DNAJC6: variants seen among roughly 807,000 people sequenced by gnomAD.
The protein encoded by DNAJC6 is auxilin.
DNAJC6 carries 34 observed loss-of-function variants against 110.0 expected under a neutral mutation model. The ratio of observed to expected loss-of-function variants is 0.31; its 90% confidence interval spans 0.24 to 0.41. The LOEUF (loss-of-function observed/expected upper bound fraction) is 0.41. Ranked by LOEUF, DNAJC6 falls within the 10% of genes least tolerant of loss-of-function variation. The pLI is 1.00. For synonymous variants in DNAJC6, 406 were observed against 437.2 expected (o/e 0.93, Z 0.89); for missense variants, 1,031 against 1,207.8 (o/e 0.85, Z 2.17).
At chr1:65,321,432 G>A (rs1213066268) in intron 1 of DNAJC6, among the ~76,000 whole-genome samples, 4 of 106,876 alleles carry the variant, frequency 3.7e-5, no homozygotes. Context: ...GAGACCTCAA[G>A]GAATCCTCCT....
Position 65,387,253 on chromosome 1 carries a change from A to G in DNAJC6, c.1113+324A>G, listed in dbSNP as rs74965398. The stretch of plus-strand genomic sequence containing the variant: ...GATCAGTGTAAGGGAAGAGATTTCT[A>G]CTGAGGATGTGGAATTAAGGGATTG... On this transcript the variant is annotated intron_variant, in intron 8 of 18. Transcript: ENST00000371069. 0.011 allele frequency among the ~76,000 whole-genome samples: 1,629 copies of G among 152,302 alleles called. 22 individuals are homozygous for G. Among genetic ancestry groups the G allele is most frequent in the African/African-American group, 0.038 (1,573 of 41,562 alleles).
upstream of DNAJC6, among the ~76,000 whole-genome samples, chr1:65,306,224 T>A (rs1645036379): frequency 6.6e-6 from 1 of 151,976 alleles, no homozygotes; most frequent in Non-Finnish European, 1.5e-5. Flanking sequence ...TTTTTTTGGA[T>A]TTTTAGTAGA....
intron 1 of DNAJC6, among the ~76,000 whole-genome samples, chr1:65,286,938 GT>G (rs1359780407): frequency 6.6e-6 from 1 of 152,086 alleles, no homozygotes. Flanking sequence ...TCCCATATAG[GT>G]TTCTTTGATC....
intron 13 of DNAJC6, among the ~76,000 whole-genome samples, chr1:65,397,022 T>G (rs755487554): frequency 8.5e-5 from 13 of 152,196 alleles, no homozygotes; most frequent in Non-Finnish European, 1.9e-4. Flanking sequence ...CTTGGCAGTT[T>G]TGGATCCAGT....
chr1:65,292,908 C>T (rs1482685307), intron 1 of DNAJC6, among the ~76,000 whole-genome samples: 1 of 152,182 alleles, frequency 6.6e-6, no homozygotes, highest in Admixed American at 6.5e-5. Flanking sequence ...CATTGGGGCT[C>T]ACTCAAACGT....
chr1:65,370,741 T>C (rs1185731933), intron 4 of DNAJC6, among the ~76,000 whole-genome samples: 1 of 152,232 alleles, frequency 6.6e-6, no homozygotes, highest in Non-Finnish European at 1.5e-5. Flanking sequence ...CATAATCTTC[T>C]AGGATTTCTT....
At chr1:65,325,884 G>A (rs1645237531) in intron 1 of DNAJC6, among the ~76,000 whole-genome samples, 1 of 152,184 alleles carries the variant, frequency 6.6e-6, no homozygotes, top group African/African-American at 2.4e-5. Context: ...AATACTGTAG[G>A]CAATTATAAC....
At chr1:65,311,061 A>G (rs1421832268) in intron 1 of DNAJC6, among the ~76,000 whole-genome samples, 1 of 152,122 alleles carries the variant, frequency 6.6e-6, no homozygotes, top group East Asian at 1.9e-4. Flanking sequence ...GTGGGATGAA[A>G]TATTGTCCAC....
At position 65,383,039 on chromosome 1, in the gene DNAJC6, G is replaced by A. The variant is rs147605275; in HGVS notation, c.667-1154G>A. ...TTTTTGTTCTCACAAAAGGATGAGGGTCATTTAGTGGAAGCTATGGAGGAA... is the reference window on the plus strand; with the variant it reads ...TTTTTGTTCTCACAAAAGGATGAGGATCATTTAGTGGAAGCTATGGAGGAA... On this transcript the variant is annotated intron_variant, in intron 5 of 18. Coordinates refer to ENST00000371069, the MANE Select transcript of DNAJC6 (RefSeq NM_001256864.2). Among the ~76,000 whole-genome samples the A allele has an allele frequency of 4.5e-3, 689 of 152,294 alleles. 1 individual carries two copies. The highest frequency in any genetic ancestry group is 0.027 in the Middle Eastern group (8 of 294).
At position 65,292,243 on chromosome 1, in the gene DNAJC6, C is replaced by G. The variant is rs557654724; in HGVS notation, c.-131+27311C>G. 6.6e-5 allele frequency among the ~76,000 whole-genome samples: 10 copies of G among 151,572 alleles called. No homozygotes were observed. In the South Asian group the frequency reaches 1.9e-3, roughly 28 times the overall value. ...ATGTTGGCCAGGCTGGTCTTGAACT[C>G]TTGACCTCAGATGATCTACCCACCT... On this transcript the variant is annotated intron_variant, in intron 1 of 19. Coordinates refer to the DNAJC6 transcript ENST00000263441.
At chr1:65,387,795 C>G (rs1645886643) in intron 8 of DNAJC6, among the ~76,000 whole-genome samples, 1 of 152,182 alleles carries the variant, frequency 6.6e-6, no homozygotes, top group African/African-American at 2.4e-5. Context: ...CACATATTGG[C>G]TAAGTGAGTG....
intron 1 of DNAJC6, among the ~76,000 whole-genome samples, chr1:65,292,642 C>T (rs1644890634): frequency 6.6e-6 from 1 of 151,816 alleles, no homozygotes; most frequent in Non-Finnish European, 1.5e-5. Flanking sequence ...ATCATGTTGC[C>T]TAGGCTGGTC....
chr1:65,301,324 T>TC (rs34122184), intron 1 of DNAJC6, among the ~76,000 whole-genome samples: 10,445 of 151,294 alleles, frequency 0.069, 387 homozygotes, highest in Non-Finnish European at 0.08. Flanking sequence ...AATGGGCACT[T>TC]CCCCCCCCAC....
At chr1:65,333,340 A>G (rs1406072990) in intron 1 of DNAJC6, among the ~76,000 whole-genome samples, 4 of 152,140 alleles carry the variant, frequency 2.6e-5, no homozygotes, top group Admixed American at 6.5e-5. Context: ...GAGGAGTTTT[A>G]TCTTCTGATT....
intron 1 of DNAJC6, among the ~76,000 whole-genome samples, chr1:65,350,940 A>G (rs1175422924): frequency 2.0e-5 from 3 of 152,130 alleles, no homozygotes; most frequent in South Asian, 2.1e-4. Context: ...CTTACTCTCT[A>G]TATTTACAGC....
intron 4 of DNAJC6, among the ~76,000 whole-genome samples, chr1:65,368,725 C>CTTCTTCTTCTCCTTA (rs1421059015): frequency 4.3e-5 from 2 of 46,144 alleles, no homozygotes; most frequent in African/African-American, 3.7e-4. Flanking sequence ...TCCTCTTCTT[C>CTTCTTCTTCTCCTTA]TTCTTCTTCT....
rs1557507783 is a variant in DNAJC6, at chr1:65,302,090, TTATATATATAA to T, written c.-131+37165_-131+37175del. 1.7e-3 allele frequency among the ~76,000 whole-genome samples: 92 copies of T among 54,730 alleles called. 2 individuals are homozygous for T. The East Asian group carries it at 0.053, about 32-fold the overall frequency. 35.9% of individuals were successfully genotyped at this position (54,730 alleles called of 152,430 possible). A position where few individuals can be genotyped will look rare whatever the true frequency, so the allele number is the denominator to read the frequency against. The stretch of plus-strand genomic sequence containing the variant: ...TTATATATAATACGTATTATATATA[TTATATATATAA>T]TATATAATATATATATATATATAAA... On this transcript the variant is annotated intron_variant, in intron 1 of 19. Transcript: ENST00000263441.
chr1:65,382,841 G>A (rs1645836249), intron 5 of DNAJC6, among the ~76,000 whole-genome samples: 1 of 152,158 alleles, frequency 6.6e-6, no homozygotes, highest in Non-Finnish European at 1.5e-5. Flanking sequence ...TTTAAAACTT[G>A]AATTTGTTTA....
rs1481419016 is a variant in DNAJC6 at position 65,413,002 on chromosome 1, C to G, written c.2890C>G (p.Gln964Glu). 1.9e-6 allele frequency: 3 copies of G among 1,613,964 alleles called. No homozygotes were observed. Among genetic ancestry groups the G allele is most frequent in the Non-Finnish European group, 2.5e-6 (3 of 1,179,968 alleles). ...LNDAWSEFEN[Q>E]GQKPLY ...TGATGCCTGGTCTGAATTTGAAAAC[C>G]AAGGCCAAAAGCCCTTATATTAATT... is the stretch of plus-strand genomic sequence containing the variant. The change falls in exon 19 of 19, where the codon CAA becomes GAA. Residue 964 changes from glutamine to glutamate, a missense_variant. Physicochemically the swap from Gln to Glu is conservative, Grantham distance 29. Transcript: ENST00000371069.
Sources: gnomAD v4.1 joint callset for allele counts (sites outside exome capture counted in the v4.1 genomes callset) on GRCh38, gnomAD v4.1.1 for gene constraint, MANE v1.5 for transcripts, NCBI Gene and HGNC (gene_info 2026-07-23, HGNC 2026-07-21) for gene names.